Variants in B3GALT1 observed in about 807,000 individuals in gnomAD.
B3GALT1 encodes the protein beta-1,3-galactosyltransferase 1.
A neutral mutation model predicts 23.2 loss-of-function variants in B3GALT1; 10 were observed. The ratio of observed to expected loss-of-function variants is 0.43; its 90% CI spans 0.27 to 0.73. B3GALT1 has a LOEUF of 0.73. B3GALT1 is among the 30% of genes least tolerant of loss of function. The pLI, the probability that B3GALT1 is intolerant of heterozygous loss-of-function variation, is 0.21. For missense variants in B3GALT1, 299 were observed against 405.4 expected (o/e 0.74, Z 2.25); for synonymous variants, 156 against 141.5 (o/e 1.10, Z -0.73).
chr2:167,593,255 G>T (rs572261176), intron 2 of B3GALT1, among the ~76,000 whole-genome samples: 2 of 152,082 alleles, frequency 1.3e-5, no homozygotes, highest in Non-Finnish European at 2.9e-5. Flanking sequence ...GTACTCATGT[G>T]ATATATTATA....
chr2:167,597,028 A>G (rs1684785014), intron 2 of B3GALT1, among the ~76,000 whole-genome samples: 1 of 152,174 alleles, frequency 6.6e-6, no homozygotes, highest in African/African-American at 2.4e-5. Context: ...GTGGCAGAGC[A>G]AAAGCCTAGA....
chr2:167,545,389 C>G (rs1683618566), intron 2 of B3GALT1, among the ~76,000 whole-genome samples: 1 of 152,030 alleles, frequency 6.6e-6, no homozygotes, highest in Non-Finnish European at 1.5e-5. Context: ...TTTCCTTTTC[C>G]TATCCTATAG....
chr2:167,393,316 T>A (rs145979241), intron 1 of B3GALT1, among the ~76,000 whole-genome samples: 417 of 150,690 alleles, frequency 2.8e-3, no homozygotes, highest in African/African-American at 9.6e-3. Context: ...TGTGATCTAG[T>A]GGAAACTATC....
chr2:167,336,910 T>C (rs1469857618), intron 1 of B3GALT1, among the ~76,000 whole-genome samples: 2 of 152,138 alleles, frequency 1.3e-5, no homozygotes, highest in Admixed American at 1.3e-4. Flanking sequence ...GTAGCCACAG[T>C]TGAGATCGAG....
intron 3 of B3GALT1, chr2:167,713,615 A>T: frequency 9.4e-7 from 1 of 1,064,950 alleles, no homozygotes; most frequent in Admixed American, 2.3e-5. Context: ...ACTGAAAATG[A>T]GATCAGTCAA....
chr2:167,438,469 A>G (rs943624375), intron 1 of B3GALT1, among the ~76,000 whole-genome samples: 2 of 152,258 alleles, frequency 1.3e-5, no homozygotes, highest in African/African-American at 4.8e-5. Flanking sequence ...ATATATGCAG[A>G]GAGAGAATTA....
chr2:167,856,817 T>G (rs191335939), intron 4 of B3GALT1, among the ~76,000 whole-genome samples: 51 of 152,268 alleles, frequency 3.3e-4, no homozygotes, highest in African/African-American at 1.2e-3. Flanking sequence ...TAATTGGCAG[T>G]GATGCCAGGG....
At chr2:167,363,254 T>A (rs994866792) in intron 1 of B3GALT1, among the ~76,000 whole-genome samples, 2 of 151,914 alleles carry the variant, frequency 1.3e-5, no homozygotes, top group African/African-American at 4.8e-5. Context: ...CTAAAATGTA[T>A]CCTGTTCGTT....
chr2:167,380,956 G>C (rs1385587499), intron 1 of B3GALT1, among the ~76,000 whole-genome samples: 1 of 152,294 alleles, frequency 6.6e-6, no homozygotes, highest in East Asian at 1.9e-4. Flanking sequence ...AGAGATCACA[G>C]AGTTGATCTT....
intron 1 of B3GALT1, among the ~76,000 whole-genome samples, chr2:167,415,227 C>G (rs1574070037): frequency 6.6e-6 from 1 of 152,190 alleles, no homozygotes; most frequent in East Asian, 1.9e-4. Flanking sequence ...TAATGGGTTA[C>G]CATTGAAGTG....
At chr2:167,715,751 C>T in intron 3 of B3GALT1, 2 of 1,613,102 alleles carry the variant, frequency 1.2e-6, no homozygotes, top group Non-Finnish European at 1.7e-6. Flanking sequence ...TACTTCATAG[C>T]CTTCATACTC....
chr2:167,332,763 A>T (rs890700401), intron 1 of B3GALT1, among the ~76,000 whole-genome samples: 10 of 152,206 alleles, frequency 6.6e-5, no homozygotes, highest in African/African-American at 2.4e-4. Context: ...AGCCCCACTA[A>T]CAGGCCCTCT....
At chr2:167,583,530 C>A (rs1367823453) in intron 2 of B3GALT1, among the ~76,000 whole-genome samples, 1 of 152,038 alleles carries the variant, frequency 6.6e-6, no homozygotes, top group Admixed American at 6.6e-5. Flanking sequence ...AACATTATAT[C>A]TGTTACTTTA....
chr2:167,604,996 G>A (rs1684938632), intron 2 of B3GALT1, among the ~76,000 whole-genome samples: 1 of 152,144 alleles, frequency 6.6e-6, no homozygotes, highest in Non-Finnish European at 1.5e-5. Flanking sequence ...ATGAGAGAAT[G>A]CACATTACAG....
chr2:167,417,184 T>C (rs1698485267), intron 1 of B3GALT1, among the ~76,000 whole-genome samples: 1 of 152,152 alleles, frequency 6.6e-6, no homozygotes. Flanking sequence ...TATTGAGAGG[T>C]GGGGCCTTTA....
At chr2:167,296,814 T>C (rs1281282866) in intron 1 of B3GALT1, among the ~76,000 whole-genome samples, 1 of 152,154 alleles carries the variant, frequency 6.6e-6, no homozygotes, top group African/African-American at 2.4e-5. Context: ...CCTTTTGCAG[T>C]TTATATTCTA....
chr2:167,501,504 A>G (rs1052254953), intron 2 of B3GALT1, among the ~76,000 whole-genome samples: 3 of 151,888 alleles, frequency 2.0e-5, no homozygotes, highest in African/African-American at 4.8e-5. Flanking sequence ...ATTTTTGTTT[A>G]AAGTTTAAAC....
intron 2 of B3GALT1, among the ~76,000 whole-genome samples, chr2:167,560,309 T>G (rs772980707): frequency 9.2e-5 from 14 of 151,994 alleles, no homozygotes; most frequent in Non-Finnish European, 1.9e-4. Context: ...AAGGAAGCAC[T>G]AAACATGGAA....
At chr2:167,796,292 C>T (rs6738302) in intron 3 of B3GALT1, among the ~76,000 whole-genome samples, 4,191 of 152,222 alleles carry the variant, frequency 0.028, 84 homozygotes, top group South Asian at 0.07. Flanking sequence ...TTGATTGTTT[C>T]ATAAATTGGA....
Sources: allele counts gnomAD v4.1 joint callset (sites outside exome capture counted in the v4.1 genomes callset), GRCh38; gene constraint gnomAD v4.1.1; transcripts MANE v1.5; gene names NCBI Gene and HGNC (gene_info 2026-07-23, HGNC 2026-07-21).